The following APP variants were observed in gnomAD, a reference collection of about 807,000 sequenced individuals.
APP encodes amyloid-beta precursor protein.
A neutral mutation model predicts 101.4 loss-of-function variants in APP; 31 were observed. That is an observed-to-expected ratio of 0.31 (90% CI 0.23 to 0.41). The LOEUF is 0.41. APP is among the 10% of genes least tolerant of loss of function. The pLI, the probability that APP is intolerant of heterozygous loss-of-function variation, is 1.00. For synonymous variants in APP, 366 were observed against 364.4 expected (o/e 1.00, Z -0.05); for missense variants, 839 against 1,003.7 (o/e 0.84, Z 2.22).
intron 1 of APP, among the ~76,000 whole-genome samples, chr21:26,145,687 C>A (rs1461550494): frequency 6.6e-6 from 1 of 152,192 alleles, no homozygotes; most frequent in Non-Finnish European, 1.5e-5. Flanking sequence ...CTCCTCCATT[C>A]CAATGTTCTC....
At chr21:26,059,490 T>C (rs2046179684) in intron 3 of APP, among the ~76,000 whole-genome samples, 1 of 152,312 alleles carries the variant, frequency 6.6e-6, no homozygotes, top group East Asian at 1.9e-4. Flanking sequence ...CCAGTATTGT[T>C]AGTAACTCTG....
At chr21:25,886,830 A>ACTACT (rs1278285008) in intron 17 of APP, among the ~76,000 whole-genome samples, 2 of 151,840 alleles carry the variant, frequency 1.3e-5, no homozygotes, top group Non-Finnish European at 2.9e-5. Flanking sequence ...ACTCTCTCCA[A>ACTACT]CTACTCTACA....
intron 9 of APP, among the ~76,000 whole-genome samples, chr21:25,976,271 AG>A (rs1681126872): frequency 6.6e-6 from 1 of 151,984 alleles, no homozygotes; most frequent in Non-Finnish European, 1.5e-5. Context: ...TTTTGAGTCA[AG>A]GTTGGTCTTT....
chr21:25,891,739 G>C lies in APP; in HGVS notation c.2194C>G (p.His732Asp). The C allele has an allele frequency of 6.2e-7, 1 of 1,614,116 alleles. No individual in the cohort carries two copies. The highest frequency in any genetic ancestry group is 1.1e-5 in the South Asian group (1 of 91,080). ...TTACCTACCTCCACCACACCATGATGAATGGATGTGTACTGTTTCTTCTTC... is the reference window on the plus strand; with the variant it reads ...TTACCTACCTCCACCACACCATGATCAATGGATGTGTACTGTTTCTTCTTC... Reference protein sequence around the residue: ...MLKKKQYTSIHHGVVEVDAAV... With the variant: ...MLKKKQYTSIDHGVVEVDAAV... The change falls in exon 17 of 18, where the codon CAT (histidine) becomes GAT (aspartate). Residue 732 changes from histidine to aspartate, a missense_variant. Transcript: ENST00000346798.
Position 26,128,259 on chromosome 21 carries a change from A to C in APP, c.58-16113T>G, listed in dbSNP as rs545264827. On this transcript the variant is annotated intron_variant, in intron 1 of 17. Coordinates refer to ENST00000346798, the MANE Select transcript of APP (RefSeq NM_000484.4). ...ACATAGTATTTTTAAACTATCTAAG[A>C]TATTTTAACTCATGCAGTTTAATGG... Among the ~76,000 whole-genome samples, 129 of 152,308 alleles carry C rather than the reference A, an allele frequency of 8.5e-4. 1 individual carries two copies. The Middle Eastern group carries it at 0.014, about 16-fold the overall frequency.
intron 11 of APP, among the ~76,000 whole-genome samples, chr21:25,958,323 C>G (rs186220112): frequency 2.0e-5 from 3 of 152,336 alleles, no homozygotes; most frequent in African/African-American, 7.2e-5. Context: ...GTCTCCCAGG[C>G]TGGAGTGCAG....
chr21:25,989,545 A>G (rs996903405), intron 8 of APP, among the ~76,000 whole-genome samples: 13 of 152,352 alleles, frequency 8.5e-5, no homozygotes, highest in African/African-American at 3.1e-4. Flanking sequence ...CCAACAGGCC[A>G]GAAGGCTGAA....
chr21:26,054,625 T>C (rs997832411), intron 3 of APP, among the ~76,000 whole-genome samples: 1 of 107,100 alleles, frequency 9.3e-6, no homozygotes, highest in African/African-American at 3.7e-5. Flanking sequence ...CAAAAGTTTT[T>C]TTTTTTTTTT....
At chr21:25,899,299 T>C (rs1019509886) in intron 15 of APP, among the ~76,000 whole-genome samples, 2 of 152,154 alleles carry the variant, frequency 1.3e-5, no homozygotes, top group African/African-American at 4.8e-5. Flanking sequence ...CAAGATGTCA[T>C]AGTTTAAAAT....
At chr21:25,890,178 GC>G (rs2037598214) in intron 17 of APP, among the ~76,000 whole-genome samples, 1 of 152,134 alleles carries the variant, frequency 6.6e-6, no homozygotes, top group African/African-American at 2.4e-5. Context: ...CCTGCTGCCT[GC>G]TGTTCTCTTG....
At chr21:26,111,703 C>T (rs1299046955) in intron 2 of APP, among the ~76,000 whole-genome samples, 1 of 152,028 alleles carries the variant, frequency 6.6e-6, no homozygotes, top group Non-Finnish European at 1.5e-5. Flanking sequence ...TGCCACTGCA[C>T]TCCAACCTGG....
intron 13 of APP, among the ~76,000 whole-genome samples, chr21:25,951,752 T>C (rs7281226): frequency 0.041 from 6,208 of 152,234 alleles, 400 homozygotes; most frequent in African/African-American, 0.14. Flanking sequence ...TTATGAGAAA[T>C]TTTAAACACA....
intron 2 of APP, among the ~76,000 whole-genome samples, chr21:26,097,255 T>C (rs1194241405): frequency 1.3e-5 from 2 of 152,196 alleles, no homozygotes; most frequent in East Asian, 3.9e-4. Flanking sequence ...CTACCTCCTA[T>C]TCTGCTGATG....
intron 17 of APP, among the ~76,000 whole-genome samples, chr21:25,889,672 C>G (rs1460835129): frequency 6.6e-6 from 1 of 152,152 alleles, no homozygotes; most frequent in Non-Finnish European, 1.5e-5. Flanking sequence ...AAAACCCTGT[C>G]TCTACTAAAA....
intron 1 of APP, among the ~76,000 whole-genome samples, chr21:26,167,720 T>A (rs2063647596): frequency 6.6e-6 from 1 of 152,244 alleles, no homozygotes; most frequent in Non-Finnish European, 1.5e-5. Context: ...TCATTTAACC[T>A]CGTGAACTTG....
rs370823137 is a variant in APP, at chr21:25,895,509, A to G, written c.2064+2064T>C. Among the ~76,000 whole-genome samples, 4 of 152,240 alleles carry G rather than the reference A, an allele frequency of 2.6e-5. No homozygotes were observed. In the East Asian group the frequency reaches 5.8e-4, roughly 22 times the overall value. Reference sequence around the variant, plus strand: ...TGGGAAGCCAAAAAATTTGTGTGACATTTTGTTGCAAAATTTGTTTTATTG... The same window carrying G: ...TGGGAAGCCAAAAAATTTGTGTGACGTTTTGTTGCAAAATTTGTTTTATTG... On this transcript the variant is annotated intron_variant, in intron 16 of 17. Coordinates refer to ENST00000346798, the MANE Select transcript of APP (RefSeq NM_000484.4).
At chr21:26,001,970 GATAA>G (rs1241354276) in intron 6 of APP, among the ~76,000 whole-genome samples, 1 of 152,226 alleles carries the variant, frequency 6.6e-6, no homozygotes, top group Non-Finnish European at 1.5e-5. Context: ...AATTTTGGAA[GATAA>G]ATAAAATTGC....
intron 9 of APP, among the ~76,000 whole-genome samples, chr21:25,978,557 A>C (rs2042308673): frequency 6.6e-6 from 1 of 152,196 alleles, no homozygotes; most frequent in Non-Finnish European, 1.5e-5. Context: ...TGTGGTACCC[A>C]ATTTTTTATT....
chr21:26,011,830 C>G (rs144341323), intron 6 of APP, among the ~76,000 whole-genome samples: 2 of 152,062 alleles, frequency 1.3e-5, no homozygotes, highest in African/African-American at 4.8e-5. Flanking sequence ...CACGTGCAAG[C>G]AACATAAAAT....
Sources: allele counts gnomAD v4.1 joint callset (sites outside exome capture counted in the v4.1 genomes callset), GRCh38; gene constraint gnomAD v4.1.1; transcripts MANE v1.5; gene names NCBI Gene and HGNC (gene_info 2026-07-23, HGNC 2026-07-21).